ATP10B: variants seen among roughly 807,000 people sequenced by gnomAD.
ATP10B encodes the protein ATPase phospholipid transporting 10B (putative).
Under a neutral mutation model 141.2 loss-of-function variants are expected in ATP10B, and 122 were observed. That is an observed-to-expected ratio of 0.86 (90% CI 0.75 to 1.00). ATP10B has a LOEUF of 1.00. ATP10B is among the 50% of genes least tolerant of loss of function. The pLI, the probability that ATP10B is intolerant of heterozygous loss-of-function variation, is 0.00. For synonymous variants in ATP10B, 685 were observed against 692.0 expected (o/e 0.99, Z 0.16); for missense variants, 1,876 against 1,825.3 (o/e 1.03, Z -0.51).
At chr5:160,734,455 GAATA>G (rs929972723) in intron 2 of ATP10B, among the ~76,000 whole-genome samples, 2 of 151,850 alleles carry the variant, frequency 1.3e-5, no homozygotes, top group South Asian at 2.1e-4. Flanking sequence ...GTATAGAAGA[GAATA>G]AATAAATTTA....
At chr5:160,665,012 A>T (rs185956019) in intron 7 of ATP10B, among the ~76,000 whole-genome samples, 10 of 152,334 alleles carry the variant, frequency 6.6e-5, no homozygotes, top group African/African-American at 2.2e-4. Context: ...TCCTCTTGCC[A>T]GCTGGACAGG....
At chr5:160,904,446 A>T in the ATP10B span, among the ~76,000 whole-genome samples, 1 of 152,152 alleles carries the variant, frequency 6.6e-6, no homozygotes, top group Non-Finnish European at 1.5e-5. Flanking sequence ...ACATGGTATC[A>T]CATTACTAAT....
chr5:160,602,119 A>T (rs528892223), intron 21 of ATP10B, among the ~76,000 whole-genome samples: 5 of 152,156 alleles, frequency 3.3e-5, no homozygotes, highest in Non-Finnish European at 2.9e-5. Flanking sequence ...CAACAATAAT[A>T]AAAAAAAGGC....
chr5:160,642,884 C>T (rs1457759216), intron 9 of ATP10B, among the ~76,000 whole-genome samples: 2 of 152,220 alleles, frequency 1.3e-5, no homozygotes, highest in Non-Finnish European at 2.9e-5. Flanking sequence ...CTAGCTGGAG[C>T]CATGGTTAAC....
intron 2 of ATP10B, among the ~76,000 whole-genome samples, chr5:160,733,483 A>T (rs1264618261): frequency 2.6e-5 from 4 of 152,156 alleles, no homozygotes; most frequent in Non-Finnish European, 5.9e-5. Context: ...GAATAAATAT[A>T]AAAATAGCCA....
intron 6 of ATP10B, among the ~76,000 whole-genome samples, chr5:160,673,800 C>A (rs550816287): frequency 1.2e-3 from 176 of 152,246 alleles, no homozygotes; most frequent in Middle Eastern, 6.8e-3. Flanking sequence ...CAAAGTAGCC[C>A]TGGGAAAACC....
intron 13 of ATP10B, among the ~76,000 whole-genome samples, chr5:160,626,055 C>G (rs1472102221): frequency 6.6e-6 from 1 of 152,262 alleles, no homozygotes. Context: ...TCCTTTTGCT[C>G]CAGCCCACTG....
chr5:160,853,700 A>T (rs1488092897), upstream of ATP10B, among the ~76,000 whole-genome samples: 1 of 152,188 alleles, frequency 6.6e-6, no homozygotes, highest in Non-Finnish European at 1.5e-5. Flanking sequence ...CGTAAATACT[A>T]ACAGACATAT....
chr5:160,809,706 T>C (rs763743925), intron 1 of ATP10B, among the ~76,000 whole-genome samples: 1 of 152,218 alleles, frequency 6.6e-6, no homozygotes, highest in Non-Finnish European at 1.5e-5. Flanking sequence ...TTCAAGATTA[T>C]GTTAATTTTA....
rs543439338 is a variant in ATP10B, at chr5:160,840,036, T to C, written c.-576+11905A>G. Among the ~76,000 whole-genome samples, 465 of 152,148 alleles carry C rather than the reference T, an allele frequency of 3.1e-3. 2 individuals carry two copies. Among genetic ancestry groups the C allele is most frequent in the Non-Finnish European group, 4.9e-3 (331 of 67,934 alleles). ...ATTTAGGAGCAAGCACAATAAGATA[T>C]GTTCAAATGTATATGAAGAAACTAT... On this transcript the variant is annotated intron_variant, in intron 1 of 25. Transcript: ENST00000327245.
At chr5:160,651,354 A>G (rs974295148) in intron 7 of ATP10B, among the ~76,000 whole-genome samples, 1 of 152,038 alleles carries the variant, frequency 6.6e-6, no homozygotes, top group Non-Finnish European at 1.5e-5. Context: ...TTTTAGTCCA[A>G]TGGGGATGAA....
In ATP10B at chr5:160,602,702, C is replaced by T. The variant is rs1450026028; in HGVS notation, c.3238G>A (p.Ala1080Thr). 3.7e-6 allele frequency: 6 copies of T among 1,613,672 alleles called. No individual in the cohort carries two copies. Among genetic ancestry groups the T allele is most frequent in the Non-Finnish European group, 5.1e-6 (6 of 1,179,752 alleles). Residue 1080 changes from alanine to threonine, a missense_variant and splice_region_variant, in exon 21 of 26, where the codon GCT (alanine) becomes ACT (threonine). Ala to Thr is a moderately conservative substitution (Grantham distance 58). Coordinates refer to ENST00000327245, the MANE Select transcript of ATP10B (RefSeq NM_025153.3). ...IGISGQEGMQ[A>T]VMSSDFAITR... ...ATGGCAAAGTCGCTGGACATGACAGCCTGAGAGGTGAGAACAGACACATCA... is the reference window on the plus strand; with the variant it reads ...ATGGCAAAGTCGCTGGACATGACAGTCTGAGAGGTGAGAACAGACACATCA...
intron 13 of ATP10B, among the ~76,000 whole-genome samples, chr5:160,628,143 T>A (rs1408905347): frequency 6.6e-6 from 1 of 152,234 alleles, no homozygotes; most frequent in Non-Finnish European, 1.5e-5. Context: ...AAATGCTCAC[T>A]TAAATAGGAA....
At chr5:160,627,126 TA>T (rs942066281) in intron 13 of ATP10B, among the ~76,000 whole-genome samples, 1 of 152,192 alleles carries the variant, frequency 6.6e-6, no homozygotes, top group African/African-American at 2.4e-5. Context: ...CACTCCTCAC[TA>T]GGTGGTCTCC....
chr5:160,653,681 C>CATATATACATATATACATATACA (rs1561705878), intron 7 of ATP10B, among the ~76,000 whole-genome samples: 33 of 30,470 alleles, frequency 1.1e-3, no homozygotes, highest in African/African-American at 2.8e-3. Context: ...ATTATATATA[C>CATATATACATATATACATATACA]ATATATACAT....
chr5:160,659,577 A>C (rs569963019), intron 7 of ATP10B, among the ~76,000 whole-genome samples: 2 of 152,220 alleles, frequency 1.3e-5, no homozygotes, highest in East Asian at 1.9e-4. Context: ...TTTCAATAGA[A>C]ATGTGAAAAT....
At chr5:160,631,339 G>A (rs956728253) in intron 13 of ATP10B, among the ~76,000 whole-genome samples, 2 of 152,234 alleles carry the variant, frequency 1.3e-5, no homozygotes, top group Non-Finnish European at 2.9e-5. Context: ...TAAGAATGCT[G>A]TGTGATCTCT....
chr5:160,767,962 C>T (rs190932607), intron 2 of ATP10B, among the ~76,000 whole-genome samples: 9 of 152,194 alleles, frequency 5.9e-5, no homozygotes, highest in East Asian at 1.9e-4. Context: ...CTTTCTCTCC[C>T]GAACATTTCT....
chr5:160,606,512 C>T (rs989604596), intron 19 of ATP10B, among the ~76,000 whole-genome samples: 3 of 152,258 alleles, frequency 2.0e-5, no homozygotes, highest in Non-Finnish European at 2.9e-5. Flanking sequence ...ATTCAAGGCC[C>T]CTGTTGGTTT....
Sources: allele counts gnomAD v4.1 joint callset (sites outside exome capture counted in the v4.1 genomes callset), GRCh38; gene constraint gnomAD v4.1.1; transcripts MANE v1.5; gene names NCBI Gene and HGNC (gene_info 2026-07-23, HGNC 2026-07-21).